PSD3: variants seen among roughly 807,000 people sequenced by gnomAD.
PSD3 encodes PH and SEC7 domain-containing protein 3.
In PSD3, 49 loss-of-function variants were observed where a neutral mutation model predicts 105.5. The observed-to-expected ratio is 0.46, with a 90% CI of 0.37 to 0.59. PSD3 has a LOEUF of 0.59. Among genes scored for constraint, PSD3 ranks in the 20% least tolerant of loss-of-function variants. PSD3 has a pLI of 0.00. For synonymous variants in PSD3, 557 were observed against 457.8 expected (o/e 1.22, Z -2.77); for missense variants, 1,561 against 1,263.8 (o/e 1.24, Z -3.57).
chr8:18,535,697 AC>A lies in PSD3; in HGVS notation c.*45del, dbSNP rs1799809463. 6.8e-7 allele frequency: 1 copy of A among 1,478,070 alleles called. No homozygotes were observed. The highest frequency in any genetic ancestry group is 1.4e-5 in the African/African-American group (1 of 71,812). The allele number at this position is 1,478,070 out of a possible 1,614,324, so 91.6% of individuals were successfully genotyped here. A position where few individuals can be genotyped will look rare whatever the true frequency, so the allele number is the denominator to read the frequency against. On this transcript the variant is annotated 3_prime_UTR_variant, in exon 16 of 16. Coordinates refer to ENST00000327040, the MANE Select transcript of PSD3 (RefSeq NM_015310.4). ...CGGATTACCAGAAAGATCTTGAAAA[AC>A]CCTATTTTGCTCCATGACCAGCACT... is the stretch of plus-strand genomic sequence containing the variant.
chr8:18,765,462 T>G lies in PSD3; in HGVS notation c.2159A>C (p.Lys720Thr), dbSNP rs1394466798. The G allele has an allele frequency of 5.6e-6, 9 of 1,609,266 alleles. No homozygotes were observed. The African/African-American group carries it at 9.4e-5, about 17-fold the overall frequency. The change falls in exon 9 of 16, where the codon AAG (lysine) becomes ACG (threonine). Residue 720 changes from lysine (K) to threonine (T), a missense_variant. Transcript: ENST00000327040. ...TTCCATGCTTACTTTCAGCAGATCC[T>G]TGGAGAAATCAACACCCTCATTTAC... is the stretch of plus-strand genomic sequence containing the variant. ...QGVNEGVDFSKDLLKALYNSI... is the reference protein window; with the variant it reads ...QGVNEGVDFSTDLLKALYNSI...
intron 4 of PSD3, among the ~76,000 whole-genome samples, chr8:18,857,311 T>A (rs1266474476): frequency 6.6e-6 from 1 of 152,150 alleles, no homozygotes; most frequent in Admixed American, 6.5e-5. Context: ...TGATCATGGA[T>A]CACCTGGGAA....
intron 9 of PSD3, among the ~76,000 whole-genome samples, chr8:18,687,211 C>G (rs773396229): frequency 3.3e-5 from 5 of 152,182 alleles, no homozygotes; most frequent in Non-Finnish European, 7.3e-5. Flanking sequence ...CTCCTGTAAT[C>G]CCAGCACTTT....
chr8:18,790,874 G>A (rs552273573), intron 8 of PSD3, among the ~76,000 whole-genome samples: 5 of 151,784 alleles, frequency 3.3e-5, no homozygotes, highest in African/African-American at 1.2e-4. Context: ...CAACCTTGGC[G>A]AAGTCTCAGG....
intron 1 of PSD3, among the ~76,000 whole-genome samples, chr8:19,043,864 G>A (rs1361832536): frequency 8.5e-5 from 13 of 152,152 alleles, no homozygotes; most frequent in Admixed American, 8.5e-4. Flanking sequence ...CCTAGTCTGT[G>A]GTATTTTGTT....
chr8:18,565,270 G>C (rs1350066097), intron 14 of PSD3, among the ~76,000 whole-genome samples: 1 of 152,186 alleles, frequency 6.6e-6, no homozygotes, highest in Non-Finnish European at 1.5e-5. Context: ...AGCAGACTGT[G>C]AACAGGGCCG....
intron 4 of PSD3, chr8:18,849,295 T>C (rs750768004): frequency 2.0e-5 from 3 of 152,210 alleles, no homozygotes; most frequent in Non-Finnish European, 4.4e-5. Context: ...CCATCTATCA[T>C]TTCTATATGA....
intron 3 of PSD3, among the ~76,000 whole-genome samples, chr8:18,868,334 T>G (rs968231753): frequency 1.3e-5 from 2 of 152,200 alleles, no homozygotes; most frequent in African/African-American, 2.4e-5. Context: ...AATGAAGATA[T>G]GAATAAAATA....
chr8:18,529,025 G>A lies in PSD3; in HGVS notation c.*6718C>T. Reference sequence around the variant, plus strand: ...GACAAGGCACATCAGTGCTCCTACAGGAAGTGCCTCCTTGTTTCTTCACTT... The same window carrying A: ...GACAAGGCACATCAGTGCTCCTACAAGAAGTGCCTCCTTGTTTCTTCACTT... On this transcript the variant is annotated 3_prime_UTR_variant, in exon 16 of 16. Transcript: ENST00000327040. 6.6e-6 allele frequency: 1 copy of A among 152,150 alleles called. No homozygotes were observed. Among genetic ancestry groups the A allele is most frequent in the East Asian group, 1.9e-4 (1 of 5,164 alleles). The allele number at this position is 152,150 out of a possible 1,614,324, so 9.4% of individuals were successfully genotyped here.
chr8:18,830,949 G>A (rs778700943), intron 4 of PSD3, among the ~76,000 whole-genome samples: 1 of 152,178 alleles, frequency 6.6e-6, no homozygotes, highest in Non-Finnish European at 1.5e-5. Context: ...TTCATTCTAG[G>A]AGGCAACATT....
chr8:18,590,927 A>G (rs773160873), intron 12 of PSD3, among the ~76,000 whole-genome samples: 3 of 152,198 alleles, frequency 2.0e-5, no homozygotes, highest in Non-Finnish European at 2.9e-5. Flanking sequence ...AGTGAAAAGA[A>G]TAAGACGCCA....
chr8:18,755,798 A>G (rs1040629645), intron 9 of PSD3, among the ~76,000 whole-genome samples: 2 of 149,704 alleles, frequency 1.3e-5, no homozygotes, highest in African/African-American at 4.9e-5. Context: ...TGATTTGTGG[A>G]TCTTCAGTTA....
chr8:18,827,978 T>C (rs1359170928), intron 4 of PSD3, among the ~76,000 whole-genome samples: 2 of 147,548 alleles, frequency 1.4e-5, no homozygotes, highest in Non-Finnish European at 3.0e-5. Context: ...CTTAAATCAT[T>C]TGGGTCTCAT....
At chr8:18,879,918 C>G (rs1818007981) in intron 2 of PSD3, among the ~76,000 whole-genome samples, 1 of 152,106 alleles carries the variant, frequency 6.6e-6, no homozygotes, top group South Asian at 2.1e-4. Context: ...TTGCTAAGAG[C>G]AGTAATGTTA....
chr8:18,882,032 C>A (rs1426446935), intron 2 of PSD3, among the ~76,000 whole-genome samples: 4 of 152,010 alleles, frequency 2.6e-5, no homozygotes, highest in African/African-American at 7.2e-5. Flanking sequence ...AACAGGGAGA[C>A]CCCTCCTCTA....
At chr8:18,621,633 C>T (rs1009912149) in intron 11 of PSD3, among the ~76,000 whole-genome samples, 6 of 152,176 alleles carry the variant, frequency 3.9e-5, no homozygotes, top group South Asian at 2.1e-4. Flanking sequence ...GGTGCTCCTG[C>T]GCGTTCACAT....
At position 18,644,409 on chromosome 8, in the gene PSD3, C is replaced by G. The variant is rs1348716876; in HGVS notation, c.2216+11233G>C. On this transcript the variant is annotated intron_variant, in intron 10 of 15. Coordinates refer to ENST00000327040, the MANE Select transcript of PSD3 (RefSeq NM_015310.4). Reference sequence around the variant, plus strand: ...TTAGCTCCTTGCTCATAAATTCTGCCTTCCCTAAAGCCCTTGGACAAGAAT... The same window carrying G: ...TTAGCTCCTTGCTCATAAATTCTGCGTTCCCTAAAGCCCTTGGACAAGAAT... Among the ~76,000 whole-genome samples the G allele has an allele frequency of 2.0e-5, 3 of 152,186 alleles. 1 individual carries two copies. The highest frequency in any genetic ancestry group is 4.4e-5 in the Non-Finnish European group (3 of 68,044).
chr8:19,009,291 T>C (rs1040861803), intron 1 of PSD3, among the ~76,000 whole-genome samples: 2 of 152,244 alleles, frequency 1.3e-5, no homozygotes, highest in Non-Finnish European at 2.9e-5. Flanking sequence ...ATCTAAATAT[T>C]AGAGCCAAAG....
intron 9 of PSD3, among the ~76,000 whole-genome samples, chr8:18,746,412 T>A (rs867128789): frequency 6.6e-6 from 1 of 152,132 alleles, no homozygotes; most frequent in Non-Finnish European, 1.5e-5. Context: ...CGTGTCCTCA[T>A]TCTTCTTCAG....
Sources: allele counts gnomAD v4.1 joint callset (sites outside exome capture counted in the v4.1 genomes callset), GRCh38; gene constraint gnomAD v4.1.1; transcripts MANE v1.5; gene names NCBI Gene and HGNC (gene_info 2026-07-23, HGNC 2026-07-21).